CSMD1: variants seen among roughly 807,000 people sequenced by gnomAD.
CSMD1 encodes CUB and Sushi multiple domains 1.
A neutral mutation model predicts 417.5 loss-of-function variants in CSMD1; 213 were observed. The observed-to-expected ratio is 0.51, with a 90% CI of 0.46 to 0.57. CSMD1 has a LOEUF of 0.57. Ranked by LOEUF, CSMD1 falls within the 20% of genes least tolerant of loss-of-function variation. CSMD1 has a pLI of 0.00. For missense variants in CSMD1, 6,923 were observed against 4,529.7 expected (o/e 1.53, Z -15.17); for synonymous variants, 2,862 against 1,736.8 (o/e 1.65, Z -16.11).
At position 4,752,043 on chromosome 8, in the gene CSMD1, C is replaced by A. The variant is rs544013377; in HGVS notation, c.86-114485G>T. Reference sequence around the variant, plus strand: ...TCTACATTAAATATGTATATGCAAACTGTGTATATATTAATACAAAAACAT... The same window carrying A: ...TCTACATTAAATATGTATATGCAAAATGTGTATATATTAATACAAAAACAT... On this transcript the variant is annotated intron_variant, in intron 1 of 69. Coordinates refer to ENST00000635120, the MANE Select transcript of CSMD1 (RefSeq NM_033225.6). Among the ~76,000 whole-genome samples the A allele has an allele frequency of 1.2e-4, 18 of 152,024 alleles. No individual in the cohort carries two copies. In the East Asian group the frequency reaches 3.3e-3, roughly 28 times the overall value.
Position 4,835,917 on chromosome 8 carries a change from G to C in CSMD1, c.85+158415C>G, listed in dbSNP as rs1037269131. Among the ~76,000 whole-genome samples the C allele has an allele frequency of 5.7e-4, 86 of 152,034 alleles. 3 individuals carry two copies. The highest frequency in any genetic ancestry group is 2.4e-5 in the African/African-American group (1 of 41,394). On this transcript the variant is annotated intron_variant, in intron 1 of 69. Coordinates refer to ENST00000635120, the MANE Select transcript of CSMD1 (RefSeq NM_033225.6). ...TTCTCTTTTTGGAAATGTAAGTACA[G>C]ATTATAAGTACAAAGGAGGGAAATT...
chr8:3,888,678 G>T (rs879274557), intron 5 of CSMD1, among the ~76,000 whole-genome samples: 1 of 152,148 alleles, frequency 6.6e-6, no homozygotes, highest in Admixed American at 6.5e-5. Flanking sequence ...CACTGAGAGA[G>T]AAAGAGGCTG....
Position 4,146,499 on chromosome 8 carries a change from G to A in CSMD1, c.416-114400C>T, listed in dbSNP as rs1489617305. Among the ~76,000 whole-genome samples, 5 of 148,212 alleles carry A rather than the reference G, an allele frequency of 3.4e-5. 1 individual carries two copies. The highest frequency in any genetic ancestry group is 5.1e-5 in the African/African-American group (2 of 39,340). On this transcript the variant is annotated intron_variant, in intron 3 of 69. Transcript: ENST00000635120. ...AGGCTGTTTACCCAGTTCCTCAGAC[G>A]TTGTGATGTGCACAGTGTGTGTTCT...
At chr8:4,342,504 G>A (rs914428667) in intron 3 of CSMD1, among the ~76,000 whole-genome samples, 1 of 151,944 alleles carries the variant, frequency 6.6e-6, no homozygotes, top group Non-Finnish European at 1.5e-5. Flanking sequence ...GCCAGGGTAG[G>A]TTTCATTCCG....
intron 31 of CSMD1, among the ~76,000 whole-genome samples, chr8:3,204,866 G>T (rs963885509): frequency 1.3e-5 from 2 of 152,208 alleles, no homozygotes; most frequent in South Asian, 4.1e-4. Context: ...TCTGATCCAA[G>T]ATAAATTGTC....
chr8:3,447,997 G>A (rs1474203843), intron 12 of CSMD1, among the ~76,000 whole-genome samples: 2 of 152,044 alleles, frequency 1.3e-5, no homozygotes, highest in East Asian at 2.0e-4. Context: ...GGAAATGAGA[G>A]TCCTGATACC....
intron 12 of CSMD1, among the ~76,000 whole-genome samples, chr8:3,426,825 G>A (rs1353016242): frequency 1.3e-5 from 2 of 152,140 alleles, no homozygotes; most frequent in Non-Finnish European, 2.9e-5. Context: ...ATCACTGGAT[G>A]TATTAGTCCA....
intron 3 of CSMD1, among the ~76,000 whole-genome samples, chr8:4,086,769 T>C (rs1800443466): frequency 6.6e-6 from 1 of 152,236 alleles, no homozygotes; most frequent in Non-Finnish European, 1.5e-5. Context: ...CTTACATCTT[T>C]TTCAACTGAG....
intron 1 of CSMD1, among the ~76,000 whole-genome samples, chr8:4,679,737 T>C (rs1285224477): frequency 6.6e-6 from 1 of 152,232 alleles, no homozygotes; most frequent in African/African-American, 2.4e-5. Flanking sequence ...TATTAGTTTC[T>C]GTAACTACTT....
intron 3 of CSMD1, among the ~76,000 whole-genome samples, chr8:4,206,917 G>T (rs73658479): frequency 2.6e-5 from 4 of 151,896 alleles, no homozygotes. Flanking sequence ...ATTTAGAGTT[G>T]GGCAAATTGC....
At chr8:3,659,401 G>C (rs922795) in intron 7 of CSMD1, among the ~76,000 whole-genome samples, 2 of 152,058 alleles carry the variant, frequency 1.3e-5, no homozygotes, top group African/African-American at 2.4e-5. Flanking sequence ...CACAGGTAAC[G>C]GGTCTCAGTG....
chr8:3,900,106 T>G (rs564536903), intron 5 of CSMD1, among the ~76,000 whole-genome samples: 1 of 149,772 alleles, frequency 6.7e-6, no homozygotes, highest in African/African-American at 2.5e-5. Flanking sequence ...GTGCAGCTGG[T>G]TGGCACTGTA....
chr8:3,430,182 C>G (rs924792568), intron 12 of CSMD1, among the ~76,000 whole-genome samples: 2 of 152,180 alleles, frequency 1.3e-5, no homozygotes, highest in South Asian at 2.1e-4. Flanking sequence ...ATTCTAATAT[C>G]TCATCTTCCC....
intron 1 of CSMD1, among the ~76,000 whole-genome samples, chr8:4,965,681 G>T (rs1809812677): frequency 6.6e-6 from 1 of 152,254 alleles, no homozygotes; most frequent in Non-Finnish European, 1.5e-5. Flanking sequence ...CTCCCATAAG[G>T]TTGGCTGGAT....
intron 3 of CSMD1, among the ~76,000 whole-genome samples, chr8:4,335,257 G>A (rs1369248840): frequency 6.6e-6 from 1 of 151,932 alleles, no homozygotes; most frequent in East Asian, 1.9e-4. Flanking sequence ...TCACCCTTAT[G>A]ACCTAACCAC....
intron 3 of CSMD1, among the ~76,000 whole-genome samples, chr8:4,081,685 C>T (rs1800142072): frequency 1.3e-5 from 2 of 152,024 alleles, no homozygotes; most frequent in African/African-American, 4.8e-5. Flanking sequence ...TCAATGAAGT[C>T]CAAAACATTT....
At chr8:4,467,122 T>TAAAAAAAAAAAA (rs35481238) in intron 2 of CSMD1, among the ~76,000 whole-genome samples, 84 of 85,672 alleles carry the variant, frequency 9.8e-4, no homozygotes, top group South Asian at 1.5e-3. Flanking sequence ...TTCTTCAGAG[T>TAAAAAAAAAAAA]AAAAAAAAAA....
intron 5 of CSMD1, among the ~76,000 whole-genome samples, chr8:3,815,626 CTT>C (rs5888995): frequency 0.62 from 90,139 of 146,354 alleles, 28,051 homozygotes; most frequent in Middle Eastern, 0.69. Flanking sequence ...GCTAGACTTT[CTT>C]TTTTTTTTTT....
chr8:4,949,593 A>C lies in CSMD1; in HGVS notation c.85+44739T>G, dbSNP rs148367476. Among the ~76,000 whole-genome samples the C allele has an allele frequency of 6.2e-4, 94 of 152,300 alleles. 1 individual carries two copies. Among genetic ancestry groups the C allele is most frequent in the Middle Eastern group, 3.4e-3 (1 of 294 alleles). On this transcript the variant is annotated intron_variant, in intron 1 of 69. Transcript: ENST00000635120. Reference sequence around the variant, plus strand: ...TCCAGTGATGCTGCCAAAGTTCCTGAAATGCCCAGTCAATTGCCCTTCCAC... The same window carrying C: ...TCCAGTGATGCTGCCAAAGTTCCTGCAATGCCCAGTCAATTGCCCTTCCAC...
Sources: allele counts gnomAD v4.1 joint callset (sites outside exome capture counted in the v4.1 genomes callset), GRCh38; gene constraint gnomAD v4.1.1; transcripts MANE v1.5; gene names NCBI Gene and HGNC (gene_info 2026-07-23, HGNC 2026-07-21).